The following DTWD2 variants were observed in gnomAD, a reference collection of about 807,000 sequenced individuals.
The protein encoded by DTWD2 is DTW motif tRNA-uridine aminocarboxypropyltransferase 2, also known as tRNA-uridine aminocarboxypropyltransferase 2.
DTWD2 carries 39 observed loss-of-function variants against 31.8 expected under a neutral mutation model. The ratio of observed to expected loss-of-function variants is 1.22; its 90% CI spans 0.95 to 1.60. The LOEUF is 1.60. Among genes scored for constraint, DTWD2 ranks in the 40% most tolerant of loss-of-function variants. DTWD2 has a pLI of 0.00. For missense variants in DTWD2, 515 were observed against 381.5 expected, an observed-to-expected ratio of 1.35 and a Z score of -2.92; for synonymous variants, 180 against 142.8, an observed-to-expected ratio of 1.26 and a Z score of -1.86.
chr5:118,873,511 C>A (rs1384116903), intron 4 of DTWD2, among the ~76,000 whole-genome samples: 5 of 152,218 alleles, frequency 3.3e-5, no homozygotes, highest in Non-Finnish European at 7.3e-5. Context: ...GCGGCTTCTT[C>A]ATACTGCAGC....
At chr5:118,859,409 G>T (rs1038764118) in intron 4 of DTWD2, among the ~76,000 whole-genome samples, 3 of 152,038 alleles carry the variant, frequency 2.0e-5, no homozygotes, top group Non-Finnish European at 4.4e-5. Flanking sequence ...AAAGTATTAT[G>T]AATTAATGGC....
In DTWD2 at chr5:118,836,863, A is replaced by G. The variant is rs1751583345; in HGVS notation, c.*4054T>C. On this transcript the variant is annotated 3_prime_UTR_variant, in exon 6 of 6. Coordinates refer to ENST00000510708, the MANE Select transcript of DTWD2 (RefSeq NM_173666.4). ...ATTTCCCAGCCTCCAGACTTAGAAGAAATAAATTTCTGTTTTTTATAAGCT... is the reference window on the plus strand; with the variant it reads ...ATTTCCCAGCCTCCAGACTTAGAAGGAATAAATTTCTGTTTTTTATAAGCT... 3.3e-5 allele frequency among the ~76,000 whole-genome samples: 5 copies of G among 152,178 alleles called. No individual in the cohort carries two copies. In the South Asian group the frequency reaches 1.0e-3, roughly 31 times the overall value.
At chr5:118,915,639 GC>G (rs1403732922) in intron 4 of DTWD2, among the ~76,000 whole-genome samples, 5 of 152,162 alleles carry the variant, frequency 3.3e-5, no homozygotes, top group Non-Finnish European at 5.9e-5. Flanking sequence ...CTCTCAAAGT[GC>G]TGGGATTACA....
intron 1 of DTWD2, among the ~76,000 whole-genome samples, chr5:118,977,231 T>C (rs1755183383): frequency 6.6e-6 from 1 of 152,122 alleles, no homozygotes; most frequent in South Asian, 2.1e-4. Flanking sequence ...ACCAATATCA[T>C]ACTGAATGGG....
In DTWD2 at chr5:118,939,205, C is replaced by T. The variant is rs537712571; in HGVS notation, c.395G>A (p.Ser132Asn). ...KCKVKIGRRF[S>N]EERDPELSTV... ...CTAACAGTTAATTTACCTTTCTTCA[C>T]TGAAGCGACGACCGATCTTCACTTT... Residue 132 changes from serine to asparagine, a missense_variant, in exon 3 of 6, where the codon AGT becomes AAT. Ser to Asn is a conservative substitution (Grantham distance 46). Coordinates refer to ENST00000510708, the MANE Select transcript of DTWD2 (RefSeq NM_173666.4). 3.7e-6 allele frequency: 6 copies of T among 1,603,604 alleles called. No homozygotes were observed. In the East Asian group the frequency reaches 9.0e-5, roughly 24 times the overall value.
intron 4 of DTWD2, among the ~76,000 whole-genome samples, chr5:118,893,725 G>A (rs1055156268): frequency 1.3e-5 from 2 of 151,950 alleles, no homozygotes; most frequent in African/African-American, 2.4e-5. Flanking sequence ...GAGAAAGCAC[G>A]AAGGGAATCA....
rs1226507667 is a variant in DTWD2, at chr5:118,988,341, C to T, written c.171G>A (p.Glu57=). 2.6e-6 allele frequency: 4 copies of T among 1,550,988 alleles called. No individual in the cohort carries two copies. Among genetic ancestry groups the T allele is most frequent in the Non-Finnish European group, 2.6e-6 (3 of 1,152,024 alleles). The change falls in exon 1 of 6, where the codon GAG becomes GAA. Residue 57 remains glutamate, a synonymous_variant. Coordinates refer to ENST00000510708, the MANE Select transcript of DTWD2 (RefSeq NM_173666.4). ...ADDDSADGLW[E]LPVEPAERRP... ...TCCGCTCGGCCGGCTCCACCGGCAG[C>T]TCCCACAGCCCGTCCGCACTGTCGT...
rs1034571587 is a variant in DTWD2 at position 118,837,291 on chromosome 5, G to C, written c.*3626C>G. The C allele has an allele frequency of 6.6e-6, 1 of 151,976 alleles. No homozygotes were observed. 9.4% of individuals were successfully genotyped at this position (151,976 alleles called of 1,614,324 possible). On this transcript the variant is annotated 3_prime_UTR_variant, in exon 6 of 6. Transcript: ENST00000510708. The stretch of plus-strand genomic sequence containing the variant: ...TCATTCTACAAAAAGCCTACTTATG[G>C]GGCAAATTAAATGCAAAGTTTCATT...
At chr5:118,974,137 G>A (rs1755070025) in intron 1 of DTWD2, 6 of 1,561,664 alleles carry the variant, frequency 3.8e-6, no homozygotes, top group Admixed American at 1.9e-5. Context: ...CAGCAAAAAA[G>A]GAAAAGTTAA....
At chr5:118,861,406 T>A (rs1752257551) in intron 4 of DTWD2, among the ~76,000 whole-genome samples, 1 of 152,162 alleles carries the variant, frequency 6.6e-6, no homozygotes, top group Non-Finnish European at 1.5e-5. Flanking sequence ...ATTTAAAAAT[T>A]TTCCCTGAGG....
intron 5 of DTWD2, among the ~76,000 whole-genome samples, chr5:118,845,466 T>G (rs1561422906): frequency 1.3e-5 from 2 of 152,252 alleles, no homozygotes; most frequent in Non-Finnish European, 2.9e-5. Flanking sequence ...CAGCTTTCAC[T>G]ATAAATTGTG....
intron 2 of DTWD2, among the ~76,000 whole-genome samples, chr5:118,939,956 C>A (rs1446699625): frequency 6.6e-6 from 1 of 152,124 alleles, no homozygotes; most frequent in African/African-American, 2.4e-5. Context: ...AGAAACAAAT[C>A]TTCCTTACAA....
At chr5:118,933,581 G>A (rs1753972375) in intron 3 of DTWD2, among the ~76,000 whole-genome samples, 3 of 152,128 alleles carry the variant, frequency 2.0e-5, no homozygotes, top group South Asian at 2.1e-4. Context: ...CAAAGAAAAC[G>A]CATTTGACAA....
In DTWD2 at chr5:118,923,039, T is replaced by C. The variant is rs1437944471; in HGVS notation, c.597+5498A>G. Among the ~76,000 whole-genome samples, 3 of 152,188 alleles carry C rather than the reference T, an allele frequency of 2.0e-5. No individual in the cohort carries two copies. The East Asian group carries it at 5.8e-4, about 29-fold the overall frequency. ...CCAGGTAGGCATTCAATAAGCTTTT[T>C]TTTTTAATAGGCAATTTATAACACT... On this transcript the variant is annotated intron_variant, in intron 4 of 5. Coordinates refer to ENST00000510708, the MANE Select transcript of DTWD2 (RefSeq NM_173666.4).
chr5:118,946,319 G>A (rs571559877), intron 1 of DTWD2, among the ~76,000 whole-genome samples: 1 of 152,248 alleles, frequency 6.6e-6, no homozygotes, highest in South Asian at 2.1e-4. Flanking sequence ...TTTTGAGATG[G>A]AAAGTCTTTC....
intron 1 of DTWD2, among the ~76,000 whole-genome samples, chr5:118,972,988 CTTCT>C (rs1293706545): frequency 5.9e-5 from 9 of 151,826 alleles, no homozygotes; most frequent in Admixed American, 1.3e-4. Flanking sequence ...ATGTAATGCC[CTTCT>C]TTGTCTTTTT....
intron 1 of DTWD2, among the ~76,000 whole-genome samples, chr5:118,962,857 G>A (rs1295978294): frequency 2.0e-5 from 3 of 152,196 alleles, no homozygotes; most frequent in African/African-American, 7.2e-5. Context: ...CAGAGCTGGG[G>A]CTAGAGCTTG....
chr5:118,893,039 C>T (rs936513991), intron 4 of DTWD2, among the ~76,000 whole-genome samples: 7 of 151,280 alleles, frequency 4.6e-5, no homozygotes, highest in Non-Finnish European at 7.4e-5. Context: ...TATATATATA[C>T]GCAAAGGAAT....
intron 1 of DTWD2, among the ~76,000 whole-genome samples, chr5:118,955,487 T>C (rs898114405): frequency 1.8e-4 from 28 of 152,206 alleles, no homozygotes; most frequent in Non-Finnish European, 1.8e-4. Flanking sequence ...TTTAAATTAA[T>C]AATGGATTGA....
Sources: gnomAD v4.1 joint callset for allele counts (sites outside exome capture counted in the v4.1 genomes callset) on GRCh38, gnomAD v4.1.1 for gene constraint, MANE v1.5 for transcripts, NCBI Gene and HGNC (gene_info 2026-07-23, HGNC 2026-07-21) for gene names.